The following N4BP3 variants were observed in gnomAD, a reference collection of about 807,000 sequenced individuals.
N4BP3 encodes NEDD4-binding protein 3.
In N4BP3, 33 loss-of-function variants were observed where a neutral mutation model predicts 43.8. The observed-to-expected ratio is 0.75, with a 90% CI of 0.57 to 1.01. The LOEUF (loss-of-function observed/expected upper bound fraction) is 1.01. N4BP3 is among the 50% of genes least tolerant of loss of function. The pLI is 0.00. For synonymous variants in N4BP3, 326 were observed against 321.9 expected (o/e 1.01, Z -0.14); for missense variants, 756 against 744.2 (o/e 1.02, Z -0.18).
rs1378696583 is a variant in N4BP3 at position 178,118,789 on chromosome 5, C to G, written c.-30-765C>G. On this transcript the variant is annotated intron_variant, in intron 1 of 4. Coordinates refer to ENST00000274605, the MANE Select transcript of N4BP3 (RefSeq NM_015111.2). The surrounding 1 kb of genome is among the most constrained non-coding windows in gnomAD (Gnocchi z 5.4). The stretch of plus-strand genomic sequence containing the variant: ...GTCTCACTGGCCTTGGGTCTCTGTG[C>G]CTTCTCCCCACCCCACAGATTTGGT... 6.6e-6 allele frequency among the ~76,000 whole-genome samples: 1 copy of G among 151,984 alleles called. No individual in the cohort carries two copies. The highest frequency in any genetic ancestry group is 1.5e-5 in the Non-Finnish European group (1 of 67,980).
In N4BP3 at chr5:178,120,644, G is replaced by A. The variant is rs375969991; in HGVS notation, c.797G>A (p.Cys266Tyr). 6.2e-7 allele frequency: 1 copy of A among 1,606,362 alleles called. No individual in the cohort carries two copies. Among genetic ancestry groups the A allele is most frequent in the African/African-American group, 1.3e-5 (1 of 75,068 alleles). The change falls in exon 3 of 5, where the codon TGT becomes TAT. Residue 266 changes from cysteine (C) to tyrosine (Y), a missense_variant. By Grantham distance (194) the Cys-to-Tyr change is radical. Coordinates refer to ENST00000274605, the MANE Select transcript of N4BP3 (RefSeq NM_015111.2). ...ATGGGAGCCGTGCTGCCCGAGACCTGTGAGGAGCTCAAGAGGGGCCTTGGC... is the reference window on the plus strand; with the variant it reads ...ATGGGAGCCGTGCTGCCCGAGACCTATGAGGAGCTCAAGAGGGGCCTTGGC... The part of the protein sequence containing the change: ...EEMGAVLPET[C>Y]EELKRGLGDE...
chr5:178,120,841 C>T, intron 3 of N4BP3, 142 bp downstream of exon 3: 1 of 1,258,522 alleles, frequency 7.9e-7, no homozygotes, highest in Non-Finnish European at 1.1e-6. Context: ...CTTCCTTCCT[C>T]TGCATCCCAG....
rs774311455 is a variant in N4BP3 at position 178,125,113 on chromosome 5, T to C, written c.*3112T>C. ...ACTCTGAATGTTCGTTCACCATCCG[T>C]GGGCACCAGGTCTGTGCCAAGCACA... On this transcript the variant is annotated 3_prime_UTR_variant, in exon 5 of 5. Coordinates refer to ENST00000274605, the MANE Select transcript of N4BP3 (RefSeq NM_015111.2). 2.0e-5 allele frequency: 3 copies of C among 152,276 alleles called. No individual in the cohort carries two copies. The highest frequency in any genetic ancestry group is 2.9e-5 in the Non-Finnish European group (2 of 68,106). 9.4% of individuals were successfully genotyped at this position (152,276 alleles called of 1,614,324 possible).
chr5:178,120,054 C>T, intron 2 of N4BP3, 124 bp from the exon 3 acceptor site: 2 of 1,472,604 alleles, frequency 1.4e-6, no homozygotes, highest in Middle Eastern at 2.1e-4. Flanking sequence ...TGTTCACTGC[C>T]TCCTGGTGGC....
chr5:178,116,794 C>T (rs1163789941), intron 1 of N4BP3, among the ~76,000 whole-genome samples: 1 of 152,116 alleles, frequency 6.6e-6, no homozygotes, highest in South Asian at 2.1e-4. Context: ...AGCATCTGCC[C>T]ACCGGAAGCT....
At position 178,120,408 on chromosome 5, in the gene N4BP3, C is replaced by A; in HGVS notation, c.561C>A (p.Ser187Arg). 1 of 1,612,972 alleles carries A rather than the reference C, an allele frequency of 6.2e-7. No individual in the cohort carries two copies. Among genetic ancestry groups the A allele is most frequent in the Non-Finnish European group, 8.5e-7 (1 of 1,179,982 alleles). ...LDEGGPEPEP[S>R]LSDSSSGGSF... ...AGGGCGGCCCTGAGCCCGAGCCCAG[C>A]CTGTCCGACTCCTCCAGTGGGGGTA... The change falls in exon 3 of 5, where the codon AGC (serine) becomes AGA (arginine). Residue 187 changes from serine to arginine, a missense_variant. Ser to Arg is a moderately radical substitution (Grantham distance 110). Coordinates refer to ENST00000274605, the MANE Select transcript of N4BP3 (RefSeq NM_015111.2).
In N4BP3 at chr5:178,119,932, C is replaced by T. The variant is rs1055250578; in HGVS notation, c.330+19C>T. The T allele has an allele frequency of 2.5e-6, 4 of 1,581,812 alleles. No individual in the cohort carries two copies. In the African/African-American group the frequency reaches 5.4e-5, roughly 21 times the overall value. ...TGACAAGGTGCACCTTTGCCCATGCCCCTTACAAGGTGTGGGGAGGGTGGG... is the reference window on the plus strand; with the variant it reads ...TGACAAGGTGCACCTTTGCCCATGCTCCTTACAAGGTGTGGGGAGGGTGGG... On this transcript the variant is annotated intron_variant, in intron 2 of 4. Transcript: ENST00000274605.
chr5:178,121,040 G>A, intron 3 of N4BP3, 58 bp from the exon 4 acceptor site: 2 of 1,554,252 alleles, frequency 1.3e-6, no homozygotes, highest in Non-Finnish European at 1.7e-6. Context: ...ATCAGGTGGA[G>A]CTCTGAGTCG....
At chr5:178,126,867 C>T (rs552884482), downstream of N4BP3, among the ~76,000 whole-genome samples, 2 of 152,202 alleles carry the variant, frequency 1.3e-5, no homozygotes, top group Admixed American at 6.5e-5. Context: ...ATTTCCTCCC[C>T]TCAACCTCCT....
rs773222376 is a variant in N4BP3, at chr5:178,120,642, C to G, written c.795C>G (p.Thr265=). The G allele has an allele frequency of 6.2e-7, 1 of 1,606,336 alleles. No homozygotes were observed. The highest frequency in any genetic ancestry group is 1.3e-5 in the African/African-American group (1 of 74,942). ...AEEMGAVLPE[T]CEELKRGLGD... ...AAATGGGAGCCGTGCTGCCCGAGAC[C>G]TGTGAGGAGCTCAAGAGGGGCCTTG... The change falls in exon 3 of 5, where the codon ACC becomes ACG. Residue 265 remains threonine, a synonymous_variant. Transcript: ENST00000274605.
rs1581097122 is a variant in N4BP3 at position 178,125,143 on chromosome 5, C to T, written c.*3142C>T. ...ACCAGGTCTGTGCCAAGCACAGGGA[C>T]TCCAGGGGCAGCTGCCATTCGTTCC... On this transcript the variant is annotated 3_prime_UTR_variant, in exon 5 of 5. Coordinates refer to ENST00000274605, the MANE Select transcript of N4BP3 (RefSeq NM_015111.2). 6.6e-6 allele frequency: 1 copy of T among 152,334 alleles called. No individual in the cohort carries two copies. The allele number at this position is 152,334 out of a possible 1,614,324, so 9.4% of individuals were successfully genotyped here.
rs1757967116 is a variant in N4BP3 at position 178,122,891 on chromosome 5, G to A, written c.*890G>A. 6.6e-6 allele frequency: 1 copy of A among 152,196 alleles called. No individual in the cohort carries two copies. The highest frequency in any genetic ancestry group is 6.5e-5 in the Admixed American group (1 of 15,276). The allele number at this position is 152,196 out of a possible 1,614,324, so 9.4% of individuals were successfully genotyped here. A position where few individuals can be genotyped will look rare whatever the true frequency, so the allele number is the denominator to read the frequency against. On this transcript the variant is annotated 3_prime_UTR_variant, in exon 5 of 5. Coordinates refer to ENST00000274605, the MANE Select transcript of N4BP3 (RefSeq NM_015111.2). ...AAGGTGCAGGAGAGGAGGTGGGCAA[G>A]CTTATGGGTTTCTTGGTAAAGAGCC...
chr5:178,122,461 G>A lies in N4BP3; in HGVS notation c.*460G>A. 5.9e-6 allele frequency: 1 copy of A among 168,338 alleles called. No homozygotes were observed. Among genetic ancestry groups the A allele is most frequent in the Non-Finnish European group, 1.3e-5 (1 of 77,122 alleles). 10.4% of individuals were successfully genotyped at this position (168,338 alleles called of 1,614,324 possible). A position where few individuals can be genotyped will look rare whatever the true frequency, so the allele number is the denominator to read the frequency against. On this transcript the variant is annotated 3_prime_UTR_variant, in exon 5 of 5. Transcript: ENST00000274605. ...AGGATGATGGATGGTCGGGATTGAG[G>A]CTGTTGACCTGGGCAGTAGCTCCTC...
rs1246531008 is a variant in N4BP3 at position 178,122,167 on chromosome 5, G to A, written c.*166G>A. The A allele has an allele frequency of 2.3e-6, 2 of 860,518 alleles. No homozygotes were observed. The highest frequency in any genetic ancestry group is 1.9e-5 in the South Asian group (1 of 53,682). The allele number at this position is 860,518 out of a possible 1,614,324, so 53.3% of individuals were successfully genotyped here. A position where few individuals can be genotyped will look rare whatever the true frequency, so the allele number is the denominator to read the frequency against. ...AGTGGGGCCGTGGGCTGGGTAGGGT[G>A]CCTTGGCAGGAGCCAGGACAAGGCC... On this transcript the variant is annotated 3_prime_UTR_variant, in exon 5 of 5. Transcript: ENST00000274605.
At chr5:178,117,678 G>A (rs975953824) in intron 1 of N4BP3, among the ~76,000 whole-genome samples, 2 of 144,548 alleles carry the variant, frequency 1.4e-5, no homozygotes, top group African/African-American at 2.5e-5. Context: ...AGCAGGACCC[G>A]TATGCAGGGC....
rs780060240 is a variant in N4BP3 at position 178,120,501 on chromosome 5, C to T, written c.654C>T (p.Leu218=). The T allele has an allele frequency of 6.2e-6, 10 of 1,612,960 alleles. No individual in the cohort carries two copies. The highest frequency in any genetic ancestry group is 4.5e-5 in the East Asian group (2 of 44,892). ...CCTCCCTTGGCCACCTTAACCACCTCGGGGGCTCCCTGGACCGGGCCTCTC... is the reference window on the plus strand; with the variant it reads ...CCTCCCTTGGCCACCTTAACCACCTTGGGGGCTCCCTGGACCGGGCCTCTC... ...FSSSLGHLNH[L]GGSLDRASQG... Residue 218 remains leucine (L), a synonymous_variant, in exon 3 of 5, where the codon CTC becomes CTT. Transcript: ENST00000274605.
chr5:178,122,847 C>CTCAT lies in N4BP3; in HGVS notation c.*849_*852dup, dbSNP rs1040794712. Reference sequence around the variant, plus strand: ...TGGGGGGCCCCTAGAAGTGCTCTGCCTCATTCCCTGTTCGTAGGAAGGTGC... The same window carrying CTCAT: ...TGGGGGGCCCCTAGAAGTGCTCTGCCTCATTCATTCCCTGTTCGTAGGAAGGTGC... On this transcript the variant is annotated 3_prime_UTR_variant, in exon 5 of 5. Transcript: ENST00000274605. 19 of 152,200 alleles carry CTCAT rather than the reference C, an allele frequency of 1.2e-4. No individual in the cohort carries two copies. Among genetic ancestry groups the CTCAT allele is most frequent in the African/African-American group, 3.6e-4 (15 of 41,436 alleles). The allele number at this position is 152,200 out of a possible 1,614,324, so 9.4% of individuals were successfully genotyped here.
chr5:178,115,581 G>A (rs577995058), intron 1 of N4BP3, among the ~76,000 whole-genome samples: 1 of 152,350 alleles, frequency 6.6e-6, no homozygotes, highest in East Asian at 1.9e-4. Flanking sequence ...GAGCCTGTGT[G>A]CTTTCTCCCC....
At chr5:178,119,953 G>T (rs370582874) in intron 2 of N4BP3, 40 bp downstream of exon 2, 37 of 1,548,676 alleles carry the variant, frequency 2.4e-5, no homozygotes, top group Non-Finnish European at 3.0e-5. Flanking sequence ...TGTGGGGAGG[G>T]TGGGGTCTCC....
Sources: gnomAD v4.1 joint callset for allele counts (sites outside exome capture counted in the v4.1 genomes callset) on GRCh38, gnomAD v4.1.1 for gene constraint, Gnocchi (gnomAD v3.1) non-coding constraint, MANE v1.5 for transcripts, NCBI Gene and HGNC (gene_info 2026-07-23, HGNC 2026-07-21) for gene names.